The following SEMA3A variants were observed in gnomAD, a reference collection of about 807,000 sequenced individuals.
SEMA3A encodes the protein semaphorin-3A.
A neutral mutation model predicts 97.9 loss-of-function variants in SEMA3A; 29 were observed. The observed-to-expected ratio is 0.30, with a 90% confidence interval of 0.22 to 0.40. The LOEUF (loss-of-function observed/expected upper bound fraction) is 0.40, where lower values mean the gene tolerates loss of function less well. Among genes scored for constraint, SEMA3A ranks in the 10% least tolerant of loss-of-function variants. The pLI, the probability that SEMA3A is intolerant of heterozygous loss-of-function variation, is 1.00. For synonymous variants in SEMA3A, 321 were observed against 323.7 expected (o/e 0.99, Z 0.09); for missense variants, 763 against 951.3 (o/e 0.80, Z 2.60).
chr7:84,352,080 C>T (rs1376489160), intron 2 of SEMA3A, among the ~76,000 whole-genome samples: 1 of 148,524 alleles, frequency 6.7e-6, no homozygotes, highest in Non-Finnish European at 1.5e-5. Flanking sequence ...TTTGCAACAA[C>T]ATGGATGGAA....
intron 1 of SEMA3A, among the ~76,000 whole-genome samples, chr7:84,175,361 A>G (rs1277617669): frequency 6.6e-6 from 1 of 152,248 alleles, no homozygotes; most frequent in Admixed American, 6.5e-5. Flanking sequence ...CATACGAATT[A>G]TATTTTTTAA....
chr7:84,001,041 TTCTG>T lies in SEMA3A; in HGVS notation c.1452+910_1452+913del, dbSNP rs549213429. Reference sequence around the variant, plus strand: ...GACTAGATGCAATATTTTCTCATTTTTCTGTCTACCAACTTCTTCTAATACGTGT... The same window carrying T: ...GACTAGATGCAATATTTTCTCATTTTTCTACCAACTTCTTCTAATACGTGT... On this transcript the variant is annotated intron_variant, in intron 12 of 16. Transcript: ENST00000265362. 6.3e-3 allele frequency among the ~76,000 whole-genome samples: 953 copies of T among 150,538 alleles called. 14 individuals are homozygous for T. The highest frequency in any genetic ancestry group is 0.022 in the African/African-American group (916 of 40,894).
intron 3 of SEMA3A, among the ~76,000 whole-genome samples, chr7:84,287,818 G>A (rs1388505862): frequency 6.6e-6 from 1 of 151,978 alleles, no homozygotes; most frequent in East Asian, 1.9e-4. Flanking sequence ...TACTTTTGTG[G>A]TTTGCATTAG....
At chr7:84,122,582 G>A (rs1795660329) in intron 3 of SEMA3A, among the ~76,000 whole-genome samples, 1 of 152,098 alleles carries the variant, frequency 6.6e-6, no homozygotes, top group Non-Finnish European at 1.5e-5. Flanking sequence ...AAATTAGAAG[G>A]TAATTCTAAT....
intron 2 of SEMA3A, among the ~76,000 whole-genome samples, chr7:84,354,488 C>A (rs766453578): frequency 2.6e-5 from 4 of 151,360 alleles, no homozygotes; most frequent in Non-Finnish European, 5.9e-5. Context: ...CCTTAAGTTG[C>A]AAGCATTTTG....
intron 1 of SEMA3A, among the ~76,000 whole-genome samples, chr7:84,421,096 T>G (rs1390138643): frequency 6.6e-6 from 1 of 151,972 alleles, no homozygotes; most frequent in African/African-American, 2.4e-5. Flanking sequence ...CGGTTTTAGA[T>G]CTTTCTAAAA....
At chr7:84,267,796 A>C (rs532655444) in intron 3 of SEMA3A, among the ~76,000 whole-genome samples, 1 of 152,276 alleles carries the variant, frequency 6.6e-6, no homozygotes, top group African/African-American at 2.4e-5. Flanking sequence ...TACTTAACCA[A>C]ATTAAATCAA....
chr7:84,017,386 G>C (rs1040373874), intron 6 of SEMA3A, among the ~76,000 whole-genome samples: 13 of 152,088 alleles, frequency 8.5e-5, no homozygotes, highest in Admixed American at 2.6e-4. Flanking sequence ...GGGGATTTTT[G>C]CATGTGAATT....
Position 84,095,358 on chromosome 7 carries a change from C to CATATAT in SEMA3A, c.453+15106_453+15111dup, listed in dbSNP as rs200107086. Reference sequence around the variant, plus strand: ...ATATATATTTTATATTTTTTATATACATATATATATATATATATATATATA... The same window carrying CATATAT: ...ATATATATTTTATATTTTTTATATACATATATATATATATATATATATATATATATA... On this transcript the variant is annotated intron_variant, in intron 4 of 16. Coordinates refer to ENST00000265362, the MANE Select transcript of SEMA3A (RefSeq NM_006080.3). Among the ~76,000 whole-genome samples, 200 of 122,870 alleles carry CATATAT rather than the reference C, an allele frequency of 1.6e-3. 1 individual carries two copies. The highest frequency in any genetic ancestry group is 1.9e-3 in the Non-Finnish European group (118 of 61,366). 80.6% of individuals were successfully genotyped at this position (122,870 alleles called of 152,430 possible). A position where few individuals can be genotyped will look rare whatever the true frequency, so the allele number is the denominator to read the frequency against.
chr7:84,214,944 G>T lies in SEMA3A; in HGVS notation c.-82-20276C>A, dbSNP rs539296680. Among the ~76,000 whole-genome samples, 624 of 150,068 alleles carry T rather than the reference G, an allele frequency of 4.2e-3. 1 individual carries two copies. The highest frequency in any genetic ancestry group is 6.9e-3 in the Non-Finnish European group (463 of 67,526). On this transcript the variant is annotated intron_variant, in intron 3 of 3. Coordinates refer to the SEMA3A transcript ENST00000424555. ...TTGAACTCCTGACCTTAGATGATCC[G>T]CCCCCCCTTGGCCTCCCAAAGTGCT... is the stretch of plus-strand genomic sequence containing the variant.
At chr7:84,134,048 G>A (rs1044760349) in intron 2 of SEMA3A, among the ~76,000 whole-genome samples, 9 of 152,060 alleles carry the variant, frequency 5.9e-5, no homozygotes, top group East Asian at 3.9e-4. Context: ...GCGACAGAGC[G>A]AGACTCCATC....
intron 11 of SEMA3A, 33 bp downstream of exon 11, chr7:84,005,306 A>G (rs1024182469): frequency 6.6e-7 from 1 of 1,507,622 alleles, no homozygotes; most frequent in Non-Finnish European, 9.2e-7. Flanking sequence ...TAGTGTTCGG[A>G]AAAAAGTTTA....
intron 4 of SEMA3A, among the ~76,000 whole-genome samples, chr7:84,063,251 C>A (rs897744248): frequency 6.6e-6 from 1 of 150,630 alleles, no homozygotes; most frequent in Non-Finnish European, 1.5e-5. Flanking sequence ...AGGACATCCA[C>A]ACCAAAAACC....
In SEMA3A at chr7:83,959,199, T is replaced by C. The variant is rs1407441727; in HGVS notation, c.*2172A>G. On this transcript the variant is annotated 3_prime_UTR_variant, in exon 17 of 17. Transcript: ENST00000265362. ...GAAAGTCTTCTATAAATTTATCATA[T>C]AATCTCTATCCCTTCAAATCCTTTA... 2.0e-5 allele frequency: 3 copies of C among 152,062 alleles called. No individual in the cohort carries two copies. The highest frequency in any genetic ancestry group is 4.4e-5 in the Non-Finnish European group (3 of 67,926). 9.4% of individuals were successfully genotyped at this position (152,062 alleles called of 1,614,324 possible). A position where few individuals can be genotyped will look rare whatever the true frequency, so the allele number is the denominator to read the frequency against.
chr7:84,447,788 A>G (rs1805457495), intron 1 of SEMA3A, among the ~76,000 whole-genome samples: 1 of 152,194 alleles, frequency 6.6e-6, no homozygotes, highest in Non-Finnish European at 1.5e-5. Context: ...CCTGCTTGCC[A>G]CGTTGCGGGC....
chr7:84,464,634 A>T (rs1805944986), intron 1 of SEMA3A, among the ~76,000 whole-genome samples: 1 of 152,198 alleles, frequency 6.6e-6, no homozygotes, highest in East Asian at 1.9e-4. Flanking sequence ...TGCCACAGAA[A>T]TCCATAAAAA....
chr7:84,299,537 A>C (rs532352396), intron 3 of SEMA3A, among the ~76,000 whole-genome samples: 1 of 151,098 alleles, frequency 6.6e-6, no homozygotes, highest in African/African-American at 2.4e-5. Flanking sequence ...ACCCAGTCTA[A>C]CTCCCACCCA....
At chr7:84,233,196 T>C (rs905870988) in intron 3 of SEMA3A, among the ~76,000 whole-genome samples, 8 of 152,040 alleles carry the variant, frequency 5.3e-5, no homozygotes, top group Non-Finnish European at 8.8e-5. Flanking sequence ...ATACATTCAT[T>C]GGTTAAGACC....
chr7:84,057,961 T>TA (rs1320205660), intron 5 of SEMA3A, among the ~76,000 whole-genome samples: 5 of 152,142 alleles, frequency 3.3e-5, no homozygotes, highest in Non-Finnish European at 7.3e-5. Context: ...GTCCTCAGCT[T>TA]AAAAACCCAT....
Sources: allele counts gnomAD v4.1 joint callset (sites outside exome capture counted in the v4.1 genomes callset), GRCh38; gene constraint gnomAD v4.1.1; transcripts MANE v1.5; gene names NCBI Gene and HGNC (gene_info 2026-07-23, HGNC 2026-07-21).